MARCHF1: variants seen among roughly 807,000 people sequenced by gnomAD.
MARCHF1 encodes membrane associated ring-CH-type finger 1.
A neutral mutation model predicts 54.2 loss-of-function variants in MARCHF1; 40 were observed. That is an observed-to-expected ratio of 0.74 (90% confidence interval 0.57 to 0.96). The LOEUF is 0.96. Ranked by LOEUF, MARCHF1 falls within the 40% of genes least tolerant of loss-of-function variation. The pLI is 0.00. For synonymous variants in MARCHF1, 236 were observed against 236.3 expected (o/e 1.00, Z 0.01); for missense variants, 586 against 656.5 (o/e 0.89, Z 1.17).
intron 1 of MARCHF1, among the ~76,000 whole-genome samples, chr4:164,153,003 A>G (rs1453377749): frequency 6.6e-6 from 1 of 152,142 alleles, no homozygotes; most frequent in Non-Finnish European, 1.5e-5. Context: ...TGTACCCTAC[A>G]CTTTGGGCAC....
chr4:163,750,249 T>C (rs1003688225), intron 4 of MARCHF1, among the ~76,000 whole-genome samples: 3 of 151,984 alleles, frequency 2.0e-5, no homozygotes, highest in Admixed American at 2.0e-4. Context: ...TGGTGGCTCA[T>C]GCCTGTAATC....
At chr4:163,809,258 C>A (rs1748316621) in intron 4 of MARCHF1, among the ~76,000 whole-genome samples, 1 of 152,076 alleles carries the variant, frequency 6.6e-6, no homozygotes, top group African/African-American at 2.4e-5. Flanking sequence ...ATGGGTTATG[C>A]AAAATAGCTT....
intron 2 of MARCHF1, among the ~76,000 whole-genome samples, chr4:164,111,112 T>C (rs570654014): frequency 2.0e-5 from 3 of 151,976 alleles, no homozygotes; most frequent in Admixed American, 6.6e-5. Flanking sequence ...TATCTCATCA[T>C]GATGAATATG....
At chr4:164,007,929 A>G (rs1753332675) in intron 2 of MARCHF1, among the ~76,000 whole-genome samples, 1 of 152,166 alleles carries the variant, frequency 6.6e-6, no homozygotes, top group East Asian at 1.9e-4. Flanking sequence ...CATAATAGCC[A>G]GAAAACAGGT....
In MARCHF1 at chr4:164,198,671, A is replaced by G. The variant is rs971598839; in HGVS notation, c.-322-87009T>C. On this transcript the variant is annotated intron_variant, in intron 1 of 9. Coordinates refer to ENST00000514618, the MANE Select transcript of MARCHF1 (RefSeq NM_001394959.1). ...GAAGTTAGCAGCACAGGCATTAGGA[A>G]ATTTGTGTCTGAGCCGTAATTCCAC... is the stretch of plus-strand genomic sequence containing the variant. 4.6e-5 allele frequency among the ~76,000 whole-genome samples: 7 copies of G among 152,362 alleles called. No individual in the cohort carries two copies. The East Asian group carries it at 1.2e-3, about 25-fold the overall frequency.
chr4:164,347,442 G>A (rs1437752639), intron 1 of MARCHF1, among the ~76,000 whole-genome samples: 1 of 152,060 alleles, frequency 6.6e-6, no homozygotes, highest in Non-Finnish European at 1.5e-5. Context: ...ATCCCACTCA[G>A]CCAAGGGGCT....
At chr4:164,196,289 C>A (rs1410758691) in intron 1 of MARCHF1, among the ~76,000 whole-genome samples, 1 of 151,820 alleles carries the variant, frequency 6.6e-6, no homozygotes, top group East Asian at 1.9e-4. Context: ...TCATAATGTC[C>A]CCAGGTATGC....
intron 1 of MARCHF1, among the ~76,000 whole-genome samples, chr4:164,157,700 C>T (rs1730114659): frequency 6.6e-6 from 1 of 152,066 alleles, no homozygotes; most frequent in Non-Finnish European, 1.5e-5. Flanking sequence ...TGGTGCTCTC[C>T]TTGTGTGTGT....
chr4:164,003,372 C>T (rs941213709), intron 2 of MARCHF1, among the ~76,000 whole-genome samples: 2 of 151,802 alleles, frequency 1.3e-5, no homozygotes, highest in Non-Finnish European at 2.9e-5. Context: ...GGTATAAACA[C>T]ACCAATTCAA....
At chr4:163,876,315 T>G (rs1395220108) in intron 3 of MARCHF1, among the ~76,000 whole-genome samples, 2 of 152,132 alleles carry the variant, frequency 1.3e-5, no homozygotes, top group Non-Finnish European at 2.9e-5. Context: ...TCTTTAGACC[T>G]CCCATCCCCT....
At chr4:163,954,036 A>C (rs1050901577) in intron 3 of MARCHF1, among the ~76,000 whole-genome samples, 2 of 152,138 alleles carry the variant, frequency 1.3e-5, no homozygotes, top group African/African-American at 4.8e-5. Context: ...TAATTTCCTG[A>C]TAACAAAAAT....
chr4:163,575,630 C>A (rs984607965), intron 8 of MARCHF1, among the ~76,000 whole-genome samples: 3 of 151,730 alleles, frequency 2.0e-5, no homozygotes, highest in African/African-American at 4.8e-5. Context: ...TTGGGACCAG[C>A]TCTTCTTTGT....
At chr4:163,533,448 C>G (rs1738422762) in intron 9 of MARCHF1, among the ~76,000 whole-genome samples, 1 of 151,730 alleles carries the variant, frequency 6.6e-6, no homozygotes, top group Admixed American at 6.6e-5. Context: ...ACACGTTTGT[C>G]AAAACTCATA....
At chr4:164,111,327 AAAT>A (rs2111182698) in intron 2 of MARCHF1, among the ~76,000 whole-genome samples, 1 of 151,944 alleles carries the variant, frequency 6.6e-6, no homozygotes, top group Admixed American at 6.6e-5. Flanking sequence ...CCCTTTTACC[AAAT>A]AATAAGATTC....
At chr4:164,166,784 C>A (rs954491186) in intron 1 of MARCHF1, among the ~76,000 whole-genome samples, 1 of 151,672 alleles carries the variant, frequency 6.6e-6, no homozygotes, top group Admixed American at 6.6e-5. Flanking sequence ...ATGCAATAAA[C>A]AAATTCAGTG....
At position 163,835,524 on chromosome 4, in the gene MARCHF1, A is replaced by G. The variant is rs73870086; in HGVS notation, c.111+18497T>C. On this transcript the variant is annotated intron_variant, in intron 4 of 9. Transcript: ENST00000514618. ...TAGCCAATATTTCGAATTGTGTTCA[A>G]ATAAGGCAAGCTCCAAACTATAACC... Among the ~76,000 whole-genome samples, 870 of 152,316 alleles carry G rather than the reference A, an allele frequency of 5.7e-3. 8 individuals carry two copies. The highest frequency in any genetic ancestry group is 0.02 in the African/African-American group (825 of 41,566).
chr4:164,007,118 A>G (rs13133986), intron 2 of MARCHF1, among the ~76,000 whole-genome samples: 145,370 of 149,336 alleles, frequency 0.97, 70,882 homozygotes, highest in East Asian at 1. Flanking sequence ...AGGCCGAGGC[A>G]GGCGGATCAC....
At chr4:163,627,244 T>A (rs1741903917) in intron 5 of MARCHF1, among the ~76,000 whole-genome samples, 2 of 152,196 alleles carry the variant, frequency 1.3e-5, no homozygotes, top group Admixed American at 6.5e-5. Context: ...ATTTTTAGAG[T>A]GCTCCTAGTA....
intron 1 of MARCHF1, among the ~76,000 whole-genome samples, chr4:164,233,423 G>A (rs1023341366): frequency 1.5e-4 from 23 of 152,112 alleles, no homozygotes; most frequent in Non-Finnish European, 2.2e-4. Flanking sequence ...AAAATTTAGG[G>A]TCTAAGATAT....
Sources: gnomAD v4.1 joint callset for allele counts (sites outside exome capture counted in the v4.1 genomes callset) on GRCh38, gnomAD v4.1.1 for gene constraint, MANE v1.5 for transcripts, NCBI Gene and HGNC (gene_info 2026-07-23, HGNC 2026-07-21) for gene names.